The following ABCA7 variants were observed in gnomAD, a reference collection of about 807,000 sequenced individuals.
ABCA7 encodes ATP binding cassette subfamily A member 7.
In ABCA7, 261 loss-of-function variants were observed where a neutral mutation model predicts 227.6. The ratio of observed to expected loss-of-function variants is 1.15; its 90% CI spans 1.04 to 1.27. The LOEUF (loss-of-function observed/expected upper bound fraction) is 1.27, where lower values mean the gene tolerates loss of function less well. Among genes scored for constraint, ABCA7 ranks in the 50% most tolerant of loss-of-function variants. ABCA7 has a pLI of 0.00. For synonymous variants in ABCA7, 1,488 were observed against 1,279.7 expected (o/e 1.16, Z -3.47); for missense variants, 3,331 against 2,924.5 (o/e 1.14, Z -3.21).
In ABCA7 at chr19:1,046,893, G is replaced by T; in HGVS notation, c.1714G>T (p.Glu572Ter). ...ACTGACAGTGAAGGCCGTGGTGCGG[G>T]AGAAGGAGACGCGGCTGCGGGACAC... ...VTLTVKAVVR[E>*]KETRLRDTMR... The change falls in exon 14 of 47, where the codon GAG becomes TAG. Residue 572 changes from glutamate (E) to a stop codon, truncating the protein, a stop_gained. Coordinates refer to ENST00000263094, the MANE Select transcript of ABCA7 (RefSeq NM_019112.4). LOFTEE classifies it high-confidence loss of function. 2 of 1,551,616 alleles carry T rather than the reference G, an allele frequency of 1.3e-6. No individual in the cohort carries two copies. The highest frequency in any genetic ancestry group is 1.7e-6 in the Non-Finnish European group (2 of 1,153,398).
At chr19:1,043,916 T>G (rs1599561528) in intron 10 of ABCA7, 75 bp downstream of exon 10, 4 of 1,271,210 alleles carry the variant, frequency 3.1e-6, no homozygotes, top group Non-Finnish European at 2.3e-6. Context: ...GATGGGAAGG[T>G]GGGCTCCGTG....
chr19:1,062,239 G>C lies in ABCA7; in HGVS notation c.5638G>C (p.Glu1880Gln), dbSNP rs776575842. The C allele has an allele frequency of 6.2e-7, 1 of 1,612,240 alleles. No homozygotes were observed. Among genetic ancestry groups the C allele is most frequent in the Non-Finnish European group, 8.5e-7 (1 of 1,179,804 alleles). Residue 1880 changes from glutamate (E) to glutamine (Q), a missense_variant, in exon 42 of 47, where the codon GAG becomes CAG. Transcript: ENST00000263094. ...CTGCCCTCAATCCGATGCCATCTTT[G>C]AGCTGCTGACGGGCCGCGAGCACCT... is the stretch of plus-strand genomic sequence containing the variant. Reference protein sequence around the residue: ...GYCPQSDAIFELLTGREHLEL... With the variant: ...GYCPQSDAIFQLLTGREHLEL...
At chr19:1,057,180 G>C in intron 34 of ABCA7, 96 bp downstream of exon 34, 5 of 1,551,744 alleles carry the variant, frequency 3.2e-6, no homozygotes, top group Non-Finnish European at 2.6e-6. Flanking sequence ...GATGGCCTGG[G>C]TAAAGTCTTG....
In ABCA7 at chr19:1,047,385, G is replaced by C. The variant is rs780830913; in HGVS notation, c.2067+7G>C. ...GGGTGGCCGCGTGGCCGCGGTGAGA[G>C]CCGGGTCGGGCGTGGATGGGGGACG... On this transcript the variant is annotated splice_region_variant and intron_variant, in intron 15 of 46. Transcript: ENST00000263094. 6.4e-6 allele frequency: 10 copies of C among 1,560,756 alleles called. No individual in the cohort carries two copies. In the East Asian group the frequency reaches 2.3e-4, roughly 36 times the overall value.
At position 1,061,786 on chromosome 19, in the gene ABCA7, T is replaced by C; in HGVS notation, c.5468T>C (p.Phe1823Ser). ...LCLGIPPGECFGLLGVNGAGK... is the reference protein window; with the variant it reads ...LCLGIPPGECSGLLGVNGAGK... ...CATCTGTGGGCATCCCTGTAGTGTT[T>C]TGGGCTGCTGGGTGTGAATGGAGCA... Residue 1823 changes from phenylalanine (F) to serine (S), a missense_variant, in exon 41 of 47, where the codon TTT becomes TCT. Transcript: ENST00000263094. 2 of 1,612,676 alleles carry C rather than the reference T, an allele frequency of 1.2e-6. No homozygotes were observed. The highest frequency in any genetic ancestry group is 1.1e-5 in the South Asian group (1 of 91,022).
At position 1,061,865 on chromosome 19, in the gene ABCA7, C is replaced by A. The variant is rs2042677903; in HGVS notation, c.5547C>A (p.Gly1849=). 6.3e-6 allele frequency: 10 copies of A among 1,596,936 alleles called. No individual in the cohort carries two copies. The South Asian group carries it at 1.0e-4, about 16-fold the overall frequency. Residue 1849 remains glycine, a synonymous_variant, in exon 41 of 47, where the codon GGC becomes GGA. Coordinates refer to ENST00000263094, the MANE Select transcript of ABCA7 (RefSeq NM_019112.4). ...CGGGGGACACATTGGCCAGCAGGGG[C>A]GAGGCTGTGCTGGCAGGCCACAGGT... ...MVTGDTLASR[G]EAVLAGHSVA...
At position 1,057,897 on chromosome 19, in the gene ABCA7, C is replaced by T. The variant is rs754196546; in HGVS notation, c.4881-18C>T. ...TCAGTCTGAGTGGTTACTCCAGTGA[C>T]TCCTATTGTCCCTTCAGCTGGTCGA... On this transcript the variant is annotated intron_variant, in intron 35 of 46. Coordinates refer to ENST00000263094, the MANE Select transcript of ABCA7 (RefSeq NM_019112.4). 6 of 1,613,814 alleles carry T rather than the reference C, an allele frequency of 3.7e-6. No homozygotes were observed. The highest frequency in any genetic ancestry group is 1.1e-5 in the South Asian group (1 of 91,056).
At position 1,054,825 on chromosome 19, in the gene ABCA7, G is replaced by T. The variant is rs763449276; in HGVS notation, c.3897G>T (p.Ala1299=). Residue 1299 remains alanine (A), a synonymous_variant, in exon 29 of 47, where the codon GCG becomes GCT. Coordinates refer to ENST00000263094, the MANE Select transcript of ABCA7 (RefSeq NM_019112.4). This position sits in a 1 kb window ranked among gnomAD's most constrained non-coding sequence, Gnocchi z 4.8. ...CTGGACGTGCCCGGCTGCTCGAGGCGCTGCTGCAGGAGGCAGGACTGGAGG... is the reference window on the plus strand; with the variant it reads ...CTGGACGTGCCCGGCTGCTCGAGGCTCTGCTGCAGGAGGCAGGACTGGAGG... The part of the protein sequence containing the change: ...GDPGRARLLE[A]LLQEAGLEEP... The T allele has an allele frequency of 4.4e-6, 7 of 1,574,428 alleles. No homozygotes were observed. The South Asian group carries it at 6.9e-5, about 16-fold the overall frequency.
chr19:1,045,878 G>A lies in ABCA7; in HGVS notation c.1446-352G>A, dbSNP rs2040587746. 2.6e-5 allele frequency among the ~76,000 whole-genome samples: 4 copies of A among 152,246 alleles called. No individual in the cohort carries two copies. The South Asian group carries it at 6.2e-4, about 24-fold the overall frequency. Reference sequence around the variant, plus strand: ...AAAAATTAGCCGGGCGTGGTAGCACGCGCCTGTAGGCCCAGCTACCCAGGA... The same window carrying A: ...AAAAATTAGCCGGGCGTGGTAGCACACGCCTGTAGGCCCAGCTACCCAGGA... On this transcript the variant is annotated intron_variant, in intron 12 of 46. Coordinates refer to ENST00000263094, the MANE Select transcript of ABCA7 (RefSeq NM_019112.4).
chr19:1,049,329 G>T lies in ABCA7; in HGVS notation c.2444G>T (p.Arg815Leu). ...GTCTCCGTTCGCAGCCTGGAGAAGC[G>T]CTTTCCTGGAAGCCCGCAGCCAGCC... ...PGVSVRSLEK[R>L]FPGSPQPALR... The change falls in exon 18 of 47, where the codon CGC (arginine) becomes CTC (leucine). Residue 815 changes from arginine (R) to leucine (L), a missense_variant. Physicochemically the swap from Arg to Leu is moderately radical, Grantham distance 102. Coordinates refer to ENST00000263094, the MANE Select transcript of ABCA7 (RefSeq NM_019112.4). 3 of 1,611,578 alleles carry T rather than the reference G, an allele frequency of 1.9e-6. No homozygotes were observed. The highest frequency in any genetic ancestry group is 1.1e-5 in the South Asian group (1 of 91,070).
intron 44 of ABCA7, 28 bp downstream of exon 44, chr19:1,063,891 GT>G (rs1434240958): frequency 1.3e-6 from 2 of 1,503,432 alleles, no homozygotes; most frequent in Non-Finnish European, 1.8e-6. Flanking sequence ...GCCCTGGGCT[GT>G]GGTTAAGGTG....
chr19:1,051,026 T>A lies in ABCA7; in HGVS notation c.2658T>A (p.Cys886Ter), dbSNP rs2041567666. The A allele has an allele frequency of 1.2e-6, 2 of 1,612,038 alleles. No homozygotes were observed. The highest frequency in any genetic ancestry group is 1.7e-6 in the Non-Finnish European group (2 of 1,179,558). Residue 886 changes from cysteine (C) to a stop codon, truncating the protein, a stop_gained, in exon 19 of 47, where the codon TGT becomes TGA. Coordinates refer to ENST00000263094, the MANE Select transcript of ABCA7 (RefSeq NM_019112.4). LOFTEE classifies it high-confidence loss of function. ...CCATCCGGCCCCACCTGGGCGTCTG[T>A]CCTCAGTACAACGTGCTGTTTGACA... ...MAAIRPHLGVCPQYNVLFDML... is the reference protein window; with the variant it reads ...MAAIRPHLGV
chr19:1,057,282 G>A, intron 34 of ABCA7, 32 bp from the exon 35 acceptor site: 1 of 1,611,030 alleles, frequency 6.2e-7, no homozygotes, highest in Non-Finnish European at 8.5e-7. Flanking sequence ...ACCTCTTTAG[G>A]CTGATAAAGG....
intron 40 of ABCA7, 64 bp downstream of exon 40, chr19:1,059,149 CCAT>C: frequency 3.2e-6 from 5 of 1,557,838 alleles, no homozygotes; most frequent in Non-Finnish European, 4.4e-6. Context: ...CATGCCCTGC[CCAT>C]CATCCTTTAC....
At chr19:1,045,283 G>A (rs974892571) in intron 12 of ABCA7, 52 bp downstream of exon 12, 5 of 1,492,708 alleles carry the variant, frequency 3.3e-6, no homozygotes, top group Admixed American at 3.7e-5. Context: ...GGCCAAGAGC[G>A]TGGTGGGTGG....
intron 12 of ABCA7, 31 bp from the exon 13 acceptor site, chr19:1,046,199 C>A: frequency 6.2e-7 from 1 of 1,600,432 alleles, no homozygotes; most frequent in South Asian, 1.1e-5. Flanking sequence ...CTAGCCCTTC[C>A]CTACAACCGG....
chr19:1,046,108 G>C (rs1375478390), intron 12 of ABCA7, 122 bp from the exon 13 acceptor site: 6 of 1,146,370 alleles, frequency 5.2e-6, no homozygotes, highest in Non-Finnish European at 7.4e-6. Flanking sequence ...AGCTATGATT[G>C]CAGCTCTTCA....
Position 1,045,186 on chromosome 19 carries a change from G to T in ABCA7, c.1400G>T (p.Arg467Leu), listed in dbSNP as rs764544689. ...CCCGGCCACGTGCGCATCAAAATCC[G>T]CATGGACATTGACGTGGTCACGAGG... ...LGPGHVRIKI[R>L]MDIDVVTRTN... The change falls in exon 12 of 47, where the codon CGC (arginine) becomes CTC (leucine). Residue 467 changes from arginine (R) to leucine (L), a missense_variant. By Grantham distance (102) the Arg-to-Leu change is moderately radical. Transcript: ENST00000263094. 9 of 1,610,930 alleles carry T rather than the reference G, an allele frequency of 5.6e-6. No homozygotes were observed. The highest frequency in any genetic ancestry group is 4.5e-5 in the East Asian group (2 of 44,876).
intron 21 of ABCA7, 25 bp from the exon 22 acceptor site, chr19:1,051,917 T>C: frequency 6.2e-7 from 1 of 1,605,768 alleles, no homozygotes. Context: ...CTGATGGTAG[T>C]TGTGGGTTGG....
Sources: allele counts gnomAD v4.1 joint callset (sites outside exome capture counted in the v4.1 genomes callset), GRCh38; gene constraint gnomAD v4.1.1; non-coding constraint Gnocchi (gnomAD v3.1); transcripts MANE v1.5; gene names NCBI Gene and HGNC (gene_info 2026-07-23, HGNC 2026-07-21).